Variants in ELMO1 observed in about 807,000 individuals in gnomAD.
The protein encoded by ELMO1 is engulfment and cell motility 1, also known as engulfment and cell motility protein 1.
In ELMO1, 26 loss-of-function variants were observed where a neutral mutation model predicts 98.9. The ratio of observed to expected loss-of-function variants is 0.26; its 90% CI spans 0.19 to 0.36. ELMO1 has a LOEUF of 0.36. Ranked by LOEUF, ELMO1 falls within the 10% of genes least tolerant of loss-of-function variation. The probability of loss-of-function intolerance (pLI) is 1.00; values close to 1 mark genes in which losing one functional copy is unlikely to be tolerated. For missense variants in ELMO1, 627 were observed against 935.2 expected (o/e 0.67, Z 4.30); for synonymous variants, 346 against 346.0 (o/e 1.00, Z 0.00).
intron 13 of ELMO1, among the ~76,000 whole-genome samples, chr7:37,203,308 A>T (rs1409078688): frequency 6.6e-6 from 1 of 152,196 alleles, no homozygotes; most frequent in Non-Finnish European, 1.5e-5. Flanking sequence ...CCCATGTCCT[A>T]TAAAGATGTT....
At chr7:37,182,563 T>TTC (rs139722600) in intron 13 of ELMO1, among the ~76,000 whole-genome samples, 1 of 149,646 alleles carries the variant, frequency 6.7e-6, no homozygotes, top group Non-Finnish European at 1.5e-5. Flanking sequence ...CTTTCTCTCT[T>TTC]TCTCTCTCTC....
intron 16 of ELMO1, among the ~76,000 whole-genome samples, chr7:37,010,671 C>T (rs1042496681): frequency 6.6e-6 from 1 of 152,224 alleles, no homozygotes; most frequent in African/African-American, 2.4e-5. Context: ...AGCTCTGCTG[C>T]CGCCTTGATT....
chr7:37,145,034 C>A (rs1162356202), intron 13 of ELMO1, among the ~76,000 whole-genome samples: 2 of 152,130 alleles, frequency 1.3e-5, no homozygotes, highest in Non-Finnish European at 2.9e-5. Context: ...AAAAACTGAG[C>A]CCCTGGTGGA....
intron 1 of ELMO1, chr7:37,375,895 G>C (rs1802319862): frequency 1.5e-6 from 1 of 673,052 alleles, no homozygotes. Flanking sequence ...AGCCAACAGA[G>C]ATACGTGCAG....
At chr7:37,254,190 G>A (rs771144856) in intron 6 of ELMO1, among the ~76,000 whole-genome samples, 3 of 152,106 alleles carry the variant, frequency 2.0e-5, no homozygotes, top group African/African-American at 7.2e-5. Context: ...CGAAAATAGC[G>A]TAACTTTGAA....
At chr7:37,193,403 G>A (rs185843024) in intron 13 of ELMO1, among the ~76,000 whole-genome samples, 2 of 152,046 alleles carry the variant, frequency 1.3e-5, no homozygotes, top group East Asian at 1.9e-4. Flanking sequence ...TTTCTAACAC[G>A]TAAACTGAAT....
At chr7:37,170,922 AATTT>A (rs1790110803) in intron 13 of ELMO1, among the ~76,000 whole-genome samples, 1 of 152,038 alleles carries the variant, frequency 6.6e-6, no homozygotes, top group Non-Finnish European at 1.5e-5. Flanking sequence ...TCATTTTATA[AATTT>A]ATTTTTCCCA....
chr7:37,330,484 CTTTA>C (rs1260592069), intron 2 of ELMO1, among the ~76,000 whole-genome samples: 2 of 152,126 alleles, frequency 1.3e-5, no homozygotes, highest in African/African-American at 4.8e-5. Flanking sequence ...GTAGTCCCTC[CTTTA>C]TTTGAGGGGC....
rs1041970021 is a variant in ELMO1, at chr7:37,088,467, T to C, written c.1300+8152A>G. ...GCTTGTGCATATTCAAGTTAATTTA[T>C]TTCTTCCACAAATAGTGCATTTTAC... is the stretch of plus-strand genomic sequence containing the variant. On this transcript the variant is annotated intron_variant, in intron 15 of 21. Transcript: ENST00000310758. 3.3e-5 allele frequency among the ~76,000 whole-genome samples: 5 copies of C among 152,220 alleles called. No individual in the cohort carries two copies. In the South Asian group the frequency reaches 1.0e-3, roughly 31 times the overall value.
intron 16 of ELMO1, among the ~76,000 whole-genome samples, chr7:36,901,258 G>A (rs1326745118): frequency 6.6e-6 from 1 of 152,150 alleles, no homozygotes; most frequent in Non-Finnish European, 1.5e-5. Flanking sequence ...GAGTGGTGTC[G>A]TGCATATTAA....
intron 16 of ELMO1, among the ~76,000 whole-genome samples, chr7:36,929,156 T>G (rs1785823548): frequency 6.6e-6 from 1 of 152,204 alleles, no homozygotes; most frequent in Admixed American, 6.5e-5. Flanking sequence ...GGGGTAAGCT[T>G]GGTCTAGGCA....
chr7:37,166,622 T>C (rs1277769710), intron 13 of ELMO1, among the ~76,000 whole-genome samples: 1 of 152,226 alleles, frequency 6.6e-6, no homozygotes, highest in African/African-American at 2.4e-5. Flanking sequence ...GAGCAGGTTG[T>C]TCAGTTTCCA....
chr7:36,857,660 G>A (rs1363434640), intron 21 of ELMO1, among the ~76,000 whole-genome samples: 1 of 152,108 alleles, frequency 6.6e-6, no homozygotes. Flanking sequence ...AATTTGAGTT[G>A]GAACTATCAG....
At chr7:37,332,435 A>G (rs1373460845) in intron 2 of ELMO1, among the ~76,000 whole-genome samples, 1 of 152,248 alleles carries the variant, frequency 6.6e-6, no homozygotes, top group African/African-American at 2.4e-5. Context: ...TAGTGATTAC[A>G]ATGCTGACAA....
chr7:37,259,056 T>G lies in ELMO1; in HGVS notation c.413+125A>C. On this transcript the variant is annotated intron_variant, in intron 6 of 21. Transcript: ENST00000310758. ...CCTCGCCACTATCTTAAAAACTATT[T>G]TTTTCCTGAGTCTAACCAAGGCTCT... The G allele has an allele frequency of 2.6e-6, 3 of 1,157,682 alleles. No homozygotes were observed. The South Asian group carries it at 7.3e-5, about 28-fold the overall frequency. 71.7% of individuals were successfully genotyped at this position (1,157,682 alleles called of 1,614,324 possible). A position where few individuals can be genotyped will look rare whatever the true frequency, so the allele number is the denominator to read the frequency against.
intron 16 of ELMO1, among the ~76,000 whole-genome samples, chr7:36,959,722 C>A (rs1470086091): frequency 6.6e-6 from 1 of 152,204 alleles, no homozygotes; most frequent in Non-Finnish European, 1.5e-5. Context: ...ACTCTGTCAC[C>A]CAGGCTGGAG....
intron 6 of ELMO1, among the ~76,000 whole-genome samples, chr7:37,254,180 C>T (rs1011362744): frequency 2.6e-5 from 4 of 152,224 alleles, no homozygotes; most frequent in East Asian, 1.9e-4. Flanking sequence ...CCTCCATCCC[C>T]GAAAATAGCG....
intron 4 of ELMO1, among the ~76,000 whole-genome samples, chr7:37,289,913 T>G (rs1355747129): frequency 6.6e-6 from 1 of 152,184 alleles, no homozygotes; most frequent in Non-Finnish European, 1.5e-5. Context: ...CTTACCACAT[T>G]AGCTTTTCTC....
intron 16 of ELMO1, among the ~76,000 whole-genome samples, chr7:36,925,521 A>G (rs775267480): frequency 1.1e-4 from 16 of 152,082 alleles, no homozygotes; most frequent in Non-Finnish European, 1.8e-4. Flanking sequence ...TTATGAGCAG[A>G]GTCTCTTCTG....
Sources: allele counts gnomAD v4.1 joint callset (sites outside exome capture counted in the v4.1 genomes callset), GRCh38; gene constraint gnomAD v4.1.1; transcripts MANE v1.5; gene names NCBI Gene and HGNC (gene_info 2026-07-23, HGNC 2026-07-21).